The following EYS variants were observed in gnomAD, a reference collection of about 807,000 sequenced individuals.
EYS encodes EGF-like photoreceptor maintenance factor.
EYS carries 250 observed loss-of-function variants against 282.1 expected under a neutral mutation model. The observed-to-expected ratio is 0.89, with a 90% CI of 0.80 to 0.98. The LOEUF is 0.98. Ranked by LOEUF, EYS falls within the 50% of genes least tolerant of loss-of-function variation. EYS has a pLI of 0.00. For synonymous variants in EYS, 1,355 were observed against 1,282.9 expected (o/e 1.06, Z -1.20); for missense variants, 4,016 against 3,709.0 (o/e 1.08, Z -2.15).
At chr6:64,578,727 G>A (rs989188481) in intron 26 of EYS, among the ~76,000 whole-genome samples, 2 of 151,930 alleles carry the variant, frequency 1.3e-5, no homozygotes, top group Non-Finnish European at 2.9e-5. Context: ...GTTTAGCAAT[G>A]TATCACTAAC....
At chr6:64,328,441 C>T (rs1442189981) in intron 29 of EYS, among the ~76,000 whole-genome samples, 1 of 152,124 alleles carries the variant, frequency 6.6e-6, no homozygotes, top group Non-Finnish European at 1.5e-5. Flanking sequence ...GGGAAGAAGG[C>T]CACCAATATT....
At chr6:65,652,258 T>G (rs987790015) in intron 1 of EYS, among the ~76,000 whole-genome samples, 2 of 152,080 alleles carry the variant, frequency 1.3e-5, no homozygotes, top group Admixed American at 1.3e-4. Context: ...AATAATTTAT[T>G]TTTTTGCTCA....
intron 13 of EYS, among the ~76,000 whole-genome samples, chr6:65,009,232 T>C (rs1478891846): frequency 6.6e-6 from 1 of 152,074 alleles, no homozygotes; most frequent in Non-Finnish European, 1.5e-5. Context: ...CCCTTAGACC[T>C]GAGGCCCAAC....
intron 24 of EYS, among the ~76,000 whole-genome samples, chr6:64,600,207 C>T (rs1241993913): frequency 6.6e-6 from 1 of 152,148 alleles, no homozygotes; most frequent in Admixed American, 6.5e-5. Flanking sequence ...CCTCACTAAC[C>T]TCTGGTTATT....
intron 33 of EYS, among the ~76,000 whole-genome samples, chr6:64,039,371 A>G (rs2149836007): frequency 6.6e-6 from 1 of 152,308 alleles, no homozygotes; most frequent in African/African-American, 2.4e-5. Flanking sequence ...TTTCTGAGGC[A>G]TGGTATTGCA....
chr6:65,696,764 T>C (rs1318915578), intron 1 of EYS, among the ~76,000 whole-genome samples: 1 of 152,056 alleles, frequency 6.6e-6, no homozygotes, highest in African/African-American at 2.4e-5. Context: ...TAAGCCATTG[T>C]AAATAAAATA....
chr6:65,644,012 G>GT (rs1242873403), intron 1 of EYS, among the ~76,000 whole-genome samples: 1 of 151,886 alleles, frequency 6.6e-6, no homozygotes, highest in Non-Finnish European at 1.5e-5. Flanking sequence ...ACAAAACAAG[G>GT]TTTTTTAACA....
At chr6:64,260,807 CA>C (rs1291852839) in intron 30 of EYS, among the ~76,000 whole-genome samples, 8 of 151,684 alleles carry the variant, frequency 5.3e-5, no homozygotes, top group African/African-American at 1.9e-4. Flanking sequence ...GGTATATCTC[CA>C]TTAGTTTAAT....
chr6:64,025,366 G>A (rs891521634), intron 33 of EYS, among the ~76,000 whole-genome samples: 1 of 152,130 alleles, frequency 6.6e-6, no homozygotes, highest in African/African-American at 2.4e-5. Flanking sequence ...GCAGCCATGA[G>A]CGGAACTCTC....
At chr6:63,919,763 G>A (rs1294817054) in intron 35 of EYS, among the ~76,000 whole-genome samples, 2 of 152,188 alleles carry the variant, frequency 1.3e-5, no homozygotes, top group Non-Finnish European at 2.9e-5. Context: ...CGTCCACTCT[G>A]TTTTCTTTAC....
chr6:64,786,611 G>A (rs531284520), intron 22 of EYS, among the ~76,000 whole-genome samples: 43 of 152,012 alleles, frequency 2.8e-4, no homozygotes, highest in Admixed American at 2.6e-3. Flanking sequence ...ACCATACCGG[G>A]GTCCCCACTG....
At chr6:64,224,154 A>C (rs1006087155) in intron 31 of EYS, among the ~76,000 whole-genome samples, 2 of 152,050 alleles carry the variant, frequency 1.3e-5, no homozygotes, top group Admixed American at 1.3e-4. Flanking sequence ...CAGTCTGGTA[A>C]ATTTTGGGTT....
At chr6:65,180,467 G>T (rs1019494020) in intron 12 of EYS, among the ~76,000 whole-genome samples, 1 of 152,046 alleles carries the variant, frequency 6.6e-6, no homozygotes, top group Non-Finnish European at 1.5e-5. Context: ...TTGCTTCAAA[G>T]AGAATAAAAT....
intron 1 of EYS, among the ~76,000 whole-genome samples, chr6:65,705,145 T>C (rs1226163494): frequency 6.6e-6 from 1 of 152,198 alleles, no homozygotes; most frequent in African/African-American, 2.4e-5. Context: ...AAAGTTACTA[T>C]GAGCCTCTGC....
At chr6:65,053,685 AG>A (rs1291745546) in intron 13 of EYS, among the ~76,000 whole-genome samples, 1 of 151,926 alleles carries the variant, frequency 6.6e-6, no homozygotes, top group Non-Finnish European at 1.5e-5. Flanking sequence ...GCAAGCAAAG[AG>A]AACATATACT....
At chr6:65,156,974 A>G (rs1764744519) in intron 12 of EYS, among the ~76,000 whole-genome samples, 1 of 151,076 alleles carries the variant, frequency 6.6e-6, no homozygotes, top group African/African-American at 2.4e-5. Context: ...AAAACAAAAA[A>G]TAATGACCTT....
At chr6:65,573,959 G>T (rs1764569051) in intron 2 of EYS, among the ~76,000 whole-genome samples, 1 of 152,114 alleles carries the variant, frequency 6.6e-6, no homozygotes, top group African/African-American at 2.4e-5. Flanking sequence ...TAGTCCTGGG[G>T]CTGCTCTAAC....
intron 5 of EYS, among the ~76,000 whole-genome samples, chr6:65,434,161 C>T (rs1258855969): frequency 6.6e-6 from 1 of 152,144 alleles, no homozygotes; most frequent in Non-Finnish European, 1.5e-5. Context: ...CCCTCAAGAA[C>T]TAAGCTTTGC....
At chr6:65,105,961 G>A (rs554230681) in intron 12 of EYS, among the ~76,000 whole-genome samples, 5 of 152,098 alleles carry the variant, frequency 3.3e-5, no homozygotes, top group African/African-American at 1.2e-4. Flanking sequence ...ATTCATAGAT[G>A]ACCATGGAGA....
Sources: allele counts gnomAD v4.1 joint callset (sites outside exome capture counted in the v4.1 genomes callset), GRCh38; gene constraint gnomAD v4.1.1; transcripts MANE v1.5; gene names NCBI Gene and HGNC (gene_info 2026-07-23, HGNC 2026-07-21).